DPF3: variants seen among roughly 807,000 people sequenced by gnomAD.
DPF3 encodes the protein double PHD fingers 3, also known as zinc finger protein DPF3.
Under a neutral mutation model 56.8 loss-of-function variants are expected in DPF3, and 18 were observed. The observed-to-expected ratio is 0.32, with a 90% confidence interval of 0.22 to 0.47. DPF3 has a LOEUF of 0.47. Among genes scored for constraint, DPF3 ranks in the 20% least tolerant of loss-of-function variants. The pLI is 1.00. For missense variants in DPF3, 403 were observed against 488.8 expected (o/e 0.82, Z 1.65); for synonymous variants, 188 against 180.2 (o/e 1.04, Z -0.35).
chr14:72,823,949 T>C (rs539878786), intron 1 of DPF3, among the ~76,000 whole-genome samples: 1 of 152,110 alleles, frequency 6.6e-6, no homozygotes, highest in Non-Finnish European at 1.5e-5. Context: ...AGTGGATGCA[T>C]TTGGACAAAC....
intron 1 of DPF3, among the ~76,000 whole-genome samples, chr14:72,823,774 T>G (rs534887515): frequency 3.3e-5 from 5 of 152,298 alleles, no homozygotes; most frequent in South Asian, 2.1e-4. Flanking sequence ...GGATACTTGT[T>G]TGCAATAAAA....
intron 1 of DPF3, among the ~76,000 whole-genome samples, chr14:72,778,842 T>A (rs1891855107): frequency 6.6e-6 from 1 of 152,148 alleles, no homozygotes; most frequent in Admixed American, 6.5e-5. Flanking sequence ...ATAATAACAC[T>A]ATAATATCAA....
At chr14:72,654,347 C>T (rs1871564519) in intron 8 of DPF3, among the ~76,000 whole-genome samples, 1 of 152,122 alleles carries the variant, frequency 6.6e-6, no homozygotes, top group Non-Finnish European at 1.5e-5. Context: ...AACTCTATGC[C>T]TCTTTCTATA....
chr14:72,735,898 A>G (rs1889873240), intron 3 of DPF3, among the ~76,000 whole-genome samples: 1 of 152,244 alleles, frequency 6.6e-6, no homozygotes. Flanking sequence ...AGTGTGATAA[A>G]TAGGGTAGAA....
intron 8 of DPF3, among the ~76,000 whole-genome samples, chr14:72,665,756 A>G (rs1886417137): frequency 6.6e-6 from 1 of 152,248 alleles, no homozygotes; most frequent in Non-Finnish European, 1.5e-5. Flanking sequence ...CAGAATTTGC[A>G]TAAGGTCTGT....
chr14:72,807,748 G>GT (rs1882848137), intron 1 of DPF3, among the ~76,000 whole-genome samples: 1 of 152,126 alleles, frequency 6.6e-6, no homozygotes, highest in Non-Finnish European at 1.5e-5. Context: ...AAGAGACAGG[G>GT]TTTTGCTTTG....
intron 3 of DPF3, among the ~76,000 whole-genome samples, chr14:72,748,709 G>C (rs1447078531): frequency 1.3e-5 from 2 of 152,170 alleles, no homozygotes; most frequent in Non-Finnish European, 2.9e-5. Context: ...TTGGTGTCCT[G>C]TGTCCCAGCT....
intron 2 of DPF3, among the ~76,000 whole-genome samples, chr14:72,755,046 T>G (rs1270261116): frequency 6.6e-6 from 1 of 152,212 alleles, no homozygotes; most frequent in Admixed American, 6.5e-5. Context: ...CAAGAGGGAC[T>G]CCAGAAGTGG....
chr14:72,736,504 G>A (rs568802967), intron 3 of DPF3, among the ~76,000 whole-genome samples: 6 of 152,260 alleles, frequency 3.9e-5, no homozygotes, highest in Admixed American at 3.3e-4. Context: ...GAGTTCTAGC[G>A]GATCACTGCA....
At chr14:72,809,586 C>A (rs796622320) in intron 1 of DPF3, among the ~76,000 whole-genome samples, 1 of 152,226 alleles carries the variant, frequency 6.6e-6, no homozygotes, top group Non-Finnish European at 1.5e-5. Flanking sequence ...CCTTTCAGAA[C>A]CCTGCATGTG....
intron 1 of DPF3, among the ~76,000 whole-genome samples, chr14:72,789,662 A>G (rs1345754593): frequency 6.6e-6 from 1 of 152,128 alleles, no homozygotes; most frequent in East Asian, 1.9e-4. Flanking sequence ...CCCAGTAGCT[A>G]GGACTACAGG....
At position 72,683,831 on chromosome 14, in the gene DPF3, G is replaced by A. The variant is rs115067171; in HGVS notation, c.742+9245C>T. The stretch of plus-strand genomic sequence containing the variant: ...AAAGCTCCCCTGGTAGGGTGGCCAC[G>A]CATCCAGGTTTGACTGGGACAGAGG... On this transcript the variant is annotated intron_variant, in intron 7 of 10. Transcript: ENST00000556509. Among the ~76,000 whole-genome samples, 1,111 of 152,232 alleles carry A rather than the reference G, an allele frequency of 7.3e-3. 18 individuals are homozygous for A. Among genetic ancestry groups the A allele is most frequent in the African/African-American group, 0.025 (1,057 of 41,518 alleles).
intron 1 of DPF3, among the ~76,000 whole-genome samples, chr14:72,863,058 TTATATATATATATATATATATATATA>T (rs58405648): frequency 0.59 from 82,628 of 140,274 alleles, 24,163 homozygotes; most frequent in Admixed American, 0.66. Flanking sequence ...ATTATTCCAT[TTATATATATATATATATATATATATA>T]TATATATATA....
At chr14:72,632,555 G>T (rs1328659285) in intron 8 of DPF3, among the ~76,000 whole-genome samples, 4 of 150,406 alleles carry the variant, frequency 2.7e-5, no homozygotes, top group Non-Finnish European at 4.4e-5. Context: ...AAAAAGAAAG[G>T]AAGGTGGAAG....
chr14:72,824,879 T>C (rs1419644274), intron 1 of DPF3, among the ~76,000 whole-genome samples: 1 of 151,872 alleles, frequency 6.6e-6, no homozygotes. Context: ...GCCTACGCTT[T>C]CCTATATGCC....
chr14:72,658,087 G>A (rs942547002), intron 8 of DPF3, among the ~76,000 whole-genome samples: 2 of 152,222 alleles, frequency 1.3e-5, no homozygotes, highest in South Asian at 2.1e-4. Flanking sequence ...CTATTTGATG[G>A]CACAGTAGGG....
intron 5 of DPF3, among the ~76,000 whole-genome samples, chr14:72,720,763 C>T (rs916947130): frequency 3.9e-5 from 6 of 152,170 alleles, no homozygotes; most frequent in African/African-American, 1.4e-4. Context: ...TGACCTTGAA[C>T]AAATTGCTTA....
At chr14:72,783,408 A>C (rs776844215) in intron 1 of DPF3, among the ~76,000 whole-genome samples, 7 of 152,170 alleles carry the variant, frequency 4.6e-5, no homozygotes, top group Non-Finnish European at 8.8e-5. Flanking sequence ...TGAAAGCTCT[A>C]GGCCCACCTG....
At chr14:72,860,742 T>C (rs1885363314) in intron 1 of DPF3, among the ~76,000 whole-genome samples, 1 of 151,860 alleles carries the variant, frequency 6.6e-6, no homozygotes, top group African/African-American at 2.4e-5. Flanking sequence ...ATTTTTGTAT[T>C]TTTATTAGAG....
Sources: gnomAD v4.1 joint callset for allele counts (sites outside exome capture counted in the v4.1 genomes callset) on GRCh38, gnomAD v4.1.1 for gene constraint, MANE v1.5 for transcripts, NCBI Gene and HGNC (gene_info 2026-07-23, HGNC 2026-07-21) for gene names.